SLIT2: variants seen among roughly 807,000 people sequenced by gnomAD.
SLIT2 encodes slit homolog 2 protein.
SLIT2 carries 41 observed loss-of-function variants against 185.7 expected under a neutral mutation model. The ratio of observed to expected loss-of-function variants is 0.22; its 90% confidence interval spans 0.17 to 0.29. The LOEUF (loss-of-function observed/expected upper bound fraction) is 0.29. Ranked by LOEUF, SLIT2 falls within the 10% of genes least tolerant of loss-of-function variation. The probability of loss-of-function intolerance (pLI) is 1.00; values close to 1 mark genes in which losing one functional copy is unlikely to be tolerated. For synonymous variants in SLIT2, 693 were observed against 680.2 expected, an observed-to-expected ratio of 1.02 and a Z score of -0.29; for missense variants, 1,571 against 1,909.0, an observed-to-expected ratio of 0.82 and a Z score of 3.30.
At chr4:20,541,374 A>G in intron 19 of SLIT2, 79 bp from the exon 20 acceptor site, 1 of 1,233,464 alleles carries the variant, frequency 8.1e-7, no homozygotes, top group Non-Finnish European at 1.2e-6. Flanking sequence ...AATAGCGTGG[A>G]GAAGGGTAGC....
intron 2 of SLIT2, among the ~76,000 whole-genome samples, chr4:20,257,329 C>T (rs1415461296): frequency 2.6e-5 from 4 of 151,928 alleles, no homozygotes; most frequent in Non-Finnish European, 4.4e-5. Flanking sequence ...CCACCACTTG[C>T]GAGTCAATGT....
At chr4:20,565,240 G>T (rs1426550672) in intron 26 of SLIT2, among the ~76,000 whole-genome samples, 1 of 151,896 alleles carries the variant, frequency 6.6e-6, no homozygotes, top group Non-Finnish European at 1.5e-5. Flanking sequence ...TTTTCTCGAG[G>T]CCGTGGGATG....
At chr4:20,295,316 A>C (rs1716350243) in intron 4 of SLIT2, among the ~76,000 whole-genome samples, 1 of 152,242 alleles carries the variant, frequency 6.6e-6, no homozygotes, top group South Asian at 2.1e-4. Flanking sequence ...CCCCTTTCTG[A>C]TACACTGTGA....
chr4:20,292,561 A>G (rs1453800529), intron 4 of SLIT2, among the ~76,000 whole-genome samples: 1 of 152,152 alleles, frequency 6.6e-6, no homozygotes, highest in African/African-American at 2.4e-5. Flanking sequence ...ACATAGTACT[A>G]GGTAGACAGT....
chr4:20,554,029 A>G (rs1265843686), intron 26 of SLIT2, 61 bp downstream of exon 26: 6 of 1,350,054 alleles, frequency 4.4e-6, no homozygotes, highest in Admixed American at 4.6e-5. Flanking sequence ...AAAAAGAAAA[A>G]GACAACCAAT....
chr4:20,504,363 G>A (rs535620254), intron 9 of SLIT2, among the ~76,000 whole-genome samples: 5 of 152,226 alleles, frequency 3.3e-5, no homozygotes, highest in East Asian at 3.9e-4. Flanking sequence ...TGGAGAAAAC[G>A]CGAAGAAGTG....
chr4:20,358,685 T>A (rs548164164), intron 4 of SLIT2, among the ~76,000 whole-genome samples: 1 of 152,258 alleles, frequency 6.6e-6, no homozygotes, highest in African/African-American at 2.4e-5. Context: ...ACCTTGAAGT[T>A]AATTAAACTC....
intron 4 of SLIT2, among the ~76,000 whole-genome samples, chr4:20,336,355 A>G (rs998467745): frequency 2.0e-5 from 3 of 152,212 alleles, no homozygotes; most frequent in African/African-American, 7.2e-5. Context: ...GTAGCCATAA[A>G]AAAGGATGAG....
intron 9 of SLIT2, among the ~76,000 whole-genome samples, chr4:20,495,885 A>G (rs1245510439): frequency 6.6e-6 from 1 of 152,186 alleles, no homozygotes; most frequent in African/African-American, 2.4e-5. Context: ...TATTTTTTAT[A>G]AGAACAAAGA....
intron 6 of SLIT2, among the ~76,000 whole-genome samples, chr4:20,485,568 T>G (rs1362881135): frequency 6.6e-6 from 1 of 152,146 alleles, no homozygotes; most frequent in African/African-American, 2.4e-5. Context: ...AATATGCTAC[T>G]GCAACTAAAA....
chr4:20,511,422 T>A (rs921205364), intron 11 of SLIT2, among the ~76,000 whole-genome samples: 1 of 135,914 alleles, frequency 7.4e-6, no homozygotes, highest in Non-Finnish European at 1.6e-5. Context: ...TTTTATTTCT[T>A]TTTTTTTTTT....
At chr4:20,459,054 A>G (rs184149845) in intron 4 of SLIT2, among the ~76,000 whole-genome samples, 1 of 152,260 alleles carries the variant, frequency 6.6e-6, no homozygotes, top group East Asian at 1.9e-4. Flanking sequence ...ATTAGAGATT[A>G]TATGAAAGAG....
chr4:20,591,334 GTGGGGT>G (rs1241406385), intron 30 of SLIT2, among the ~76,000 whole-genome samples: 30 of 152,144 alleles, frequency 2.0e-4, no homozygotes, highest in African/African-American at 7.2e-4. Flanking sequence ...GGGTGGGAGA[GTGGGGT>G]CAGAATCGCC....
At chr4:20,350,082 G>T (rs777307925) in intron 4 of SLIT2, among the ~76,000 whole-genome samples, 2 of 152,038 alleles carry the variant, frequency 1.3e-5, no homozygotes, top group Non-Finnish European at 2.9e-5. Flanking sequence ...TCATATATTG[G>T]CATAAATTAC....
intron 4 of SLIT2, among the ~76,000 whole-genome samples, chr4:20,403,904 A>AG: frequency 6.6e-6 from 1 of 151,600 alleles, no homozygotes; most frequent in East Asian, 1.9e-4. Flanking sequence ...ACTTAAAAAA[A>AG]AAACAAAAAC....
rs1419884610 is a variant in SLIT2 at position 20,573,195 on chromosome 4, TAA to T, written c.3088+4195_3088+4196del. On this transcript the variant is annotated intron_variant, in intron 29 of 36. Transcript: ENST00000504154. ...TGTGCTCTGCTGTTGTATTGCAATG[TAA>T]AAAGTCTTTTGTCTCTTCTGTCTTT... 1.4e-5 allele frequency: 10 copies of T among 702,942 alleles called. No individual in the cohort carries two copies. The East Asian group carries it at 2.7e-4, about 19-fold the overall frequency. The allele number at this position is 702,942 out of a possible 1,614,324, so 43.5% of individuals were successfully genotyped here. A position where few individuals can be genotyped will look rare whatever the true frequency, so the allele number is the denominator to read the frequency against.
At chr4:20,548,861 G>A (rs1030799937) in intron 23 of SLIT2, among the ~76,000 whole-genome samples, 196 bp from the exon 24 acceptor site, 4 of 152,088 alleles carry the variant, frequency 2.6e-5, no homozygotes, top group Non-Finnish European at 4.4e-5. Flanking sequence ...AGTAGGCAGC[G>A]GGAAGCATTC....
chr4:20,439,716 A>T (rs1729602283), intron 4 of SLIT2, among the ~76,000 whole-genome samples: 1 of 152,194 alleles, frequency 6.6e-6, no homozygotes. Flanking sequence ...GACTTCATTA[A>T]TGGTAGGCCT....
chr4:20,292,263 G>A (rs559227125), intron 4 of SLIT2, among the ~76,000 whole-genome samples: 34 of 152,162 alleles, frequency 2.2e-4, no homozygotes, highest in African/African-American at 7.5e-4. Context: ...AAAGAGACAC[G>A]TTTTGTGTCT....
Sources: gnomAD v4.1 joint callset for allele counts (sites outside exome capture counted in the v4.1 genomes callset) on GRCh38, gnomAD v4.1.1 for gene constraint, MANE v1.5 for transcripts, NCBI Gene and HGNC (gene_info 2026-07-23, HGNC 2026-07-21) for gene names.